Variants in GATC observed in about 807,000 individuals in gnomAD.
The protein encoded by GATC is glutamyl-tRNA amidotransferase subunit C, also known as glutamyl-tRNA(Gln) amidotransferase subunit C, mitochondrial.
In GATC, 11 loss-of-function variants were observed where a neutral mutation model predicts 14.4. That is an observed-to-expected ratio of 0.77 (90% CI 0.48 to 1.27). The LOEUF is 1.27. Among genes scored for constraint, GATC ranks in the 50% most tolerant of loss-of-function variants. The probability of loss-of-function intolerance (pLI) is 0.00; values close to 1 mark genes in which losing one functional copy is unlikely to be tolerated. For missense variants in GATC, 204 were observed against 183.0 expected (o/e 1.11, Z -0.66); for synonymous variants, 76 against 79.3 (o/e 0.96, Z 0.22).
At chr12:120,452,717 T>A (rs573561054) in intron 2 of GATC, among the ~76,000 whole-genome samples, 2 of 151,978 alleles carry the variant, frequency 1.3e-5, no homozygotes, top group East Asian at 3.9e-4. Context: ...CCAGAACTTT[T>A]TTTTTCTCAT....
At chr12:120,455,869 G>A (rs1878170941) in intron 2 of GATC, among the ~76,000 whole-genome samples, 1 of 151,988 alleles carries the variant, frequency 6.6e-6, no homozygotes, top group South Asian at 2.1e-4. Context: ...TGTATTTTTA[G>A]TAGAGATGGG....
At chr12:120,453,767 A>G (rs914423052) in intron 2 of GATC, among the ~76,000 whole-genome samples, 1 of 151,790 alleles carries the variant, frequency 6.6e-6, no homozygotes, top group African/African-American at 2.4e-5. Context: ...GGATCACTTG[A>G]GCCCAGAAGT....
chr12:120,455,929 G>A (rs965687950), intron 2 of GATC, among the ~76,000 whole-genome samples: 2 of 151,580 alleles, frequency 1.3e-5, no homozygotes, highest in Non-Finnish European at 2.9e-5. Context: ...CTCGTGATCC[G>A]CCCACCTCGG....
chr12:120,462,370 TAA>T lies in GATC; in HGVS notation c.*2412_*2413del. The stretch of plus-strand genomic sequence containing the variant: ...TTCAAGAATGAAGAAAATTAAGACT[TAA>T]GTTATATCATTTGCCCAAGGTAACA... On this transcript the variant is annotated 3_prime_UTR_variant, in exon 4 of 4. Transcript: ENST00000551765. The T allele has an allele frequency of 2.1e-6, 1 of 474,690 alleles. No individual in the cohort carries two copies. Among genetic ancestry groups the T allele is most frequent in the Non-Finnish European group, 3.6e-6 (1 of 275,706 alleles). The allele number at this position is 474,690 out of a possible 1,614,324, so 29.4% of individuals were successfully genotyped here. A position where few individuals can be genotyped will look rare whatever the true frequency, so the allele number is the denominator to read the frequency against.
chr12:120,446,878 G>C (rs777411807), intron 2 of GATC, 49 bp downstream of exon 2: 3 of 1,512,240 alleles, frequency 2.0e-6, no homozygotes, highest in Non-Finnish European at 2.7e-6. Flanking sequence ...CCCGTTCGCA[G>C]CCGTTTAATG....
At chr12:120,446,855 G>T (rs745324705) in intron 2 of GATC, 26 bp downstream of exon 2, 1 of 1,571,670 alleles carries the variant, frequency 6.4e-7, no homozygotes, top group Non-Finnish European at 8.7e-7. Flanking sequence ...CAGCCCCGAA[G>T]CCTTGACCGT....
chr12:120,446,834 A>C lies in GATC; in HGVS notation c.254+5A>C. The C allele has an allele frequency of 6.3e-7, 1 of 1,588,146 alleles. No homozygotes were observed. The highest frequency in any genetic ancestry group is 8.6e-7 in the Non-Finnish European group (1 of 1,163,222). ...GGAATCGGTCCTGGAGGACAGGTAA[A>C]CTCGCGGCTGCAGCCCCGAAGCCTT... On this transcript the variant is annotated splice_donor_5th_base_variant and intron_variant, in intron 2 of 3. Transcript: ENST00000551765.
chr12:120,457,602 C>CTT (rs3999474), intron 3 of GATC, among the ~76,000 whole-genome samples: 130 of 103,574 alleles, frequency 1.3e-3, no homozygotes, highest in Non-Finnish European at 1.6e-3. Flanking sequence ...TAAAAGAATC[C>CTT]TTTTTTTTTT....
chr12:120,455,818 TG>T (rs1424599341), intron 2 of GATC, among the ~76,000 whole-genome samples: 2 of 152,128 alleles, frequency 1.3e-5, no homozygotes, highest in Admixed American at 1.3e-4. Context: ...CCCAAGTAGC[TG>T]GGTCTACAGG....
intron 2 of GATC, chr12:120,450,644 T>G (rs1300169203): frequency 1.3e-5 from 2 of 156,792 alleles, no homozygotes; most frequent in Admixed American, 1.3e-4. Context: ...GTTTTCTATC[T>G]CCTTCATTGC....
chr12:120,457,295 T>C, intron 3 of GATC, 116 bp downstream of exon 3: 2 of 766,888 alleles, frequency 2.6e-6, no homozygotes, highest in South Asian at 3.1e-5. Context: ...ATGAAGTGCA[T>C]ACAGATGGTG....
intron 2 of GATC, among the ~76,000 whole-genome samples, 193 bp downstream of exon 2, chr12:120,447,022 G>A (rs1877889915): frequency 6.6e-6 from 1 of 151,580 alleles, no homozygotes; most frequent in African/African-American, 2.4e-5. Flanking sequence ...TAGTGTAAGT[G>A]GAAACAAAAC....
chr12:120,451,080 G>A (rs1319525361), intron 2 of GATC, among the ~76,000 whole-genome samples: 1 of 143,106 alleles, frequency 7.0e-6, no homozygotes, highest in African/African-American at 2.7e-5. Flanking sequence ...GGAGGCGGAG[G>A]TTGCAGTGAG....
At position 120,453,210 on chromosome 12, in the gene GATC, G is replaced by T. The variant is rs141329544; in HGVS notation, c.255-3866G>T. On this transcript the variant is annotated intron_variant, in intron 2 of 3. Coordinates refer to ENST00000551765, the MANE Select transcript of GATC (RefSeq NM_176818.3). ...AAGGGCTGACAGAATCACAAATGGA[G>T]CCACTTTGTCCTCCCTGTTGCCACA... 2.8e-3 allele frequency among the ~76,000 whole-genome samples: 433 copies of T among 152,312 alleles called. 1 individual carries two copies. Among genetic ancestry groups the T allele is most frequent in the Non-Finnish European group, 4.6e-3 (316 of 68,034 alleles).
In GATC at chr12:120,463,392, A is replaced by ACT. The variant is rs5801384; in HGVS notation, c.*3434_*3435dup. On this transcript the variant is annotated 3_prime_UTR_variant, in exon 4 of 4. Coordinates refer to ENST00000551765, the MANE Select transcript of GATC (RefSeq NM_176818.3). ...AGGTCAGCCTCGGCAATATAATGAG[A>ACT]CTGTCTCTAAAATCAAAAATTAGAG... 0.73 allele frequency: 111,013 copies of ACT among 151,946 alleles called. 41,754 individuals are homozygous for ACT. The highest frequency in any genetic ancestry group is 0.92 in the African/African-American group (38,031 of 41,468). The allele number at this position is 151,946 out of a possible 1,614,324, so 9.4% of individuals were successfully genotyped here.
Position 120,457,145 on chromosome 12 carries a change from T to C in GATC, c.324T>C (p.His108=). ...NCADELLQNS[H]RVVEEYFVAP... ...CTGATGAATTACTACAAAACTCCCA[T>C]CGCGTCGTGGAGGAGTACTTTGTGG... Residue 108 remains histidine, a synonymous_variant, in exon 3 of 4, where the codon CAT becomes CAC. Transcript: ENST00000551765. 1 of 1,613,990 alleles carries C rather than the reference T, an allele frequency of 6.2e-7. No homozygotes were observed. Among genetic ancestry groups the C allele is most frequent in the Non-Finnish European group, 8.5e-7 (1 of 1,179,946 alleles).
chr12:120,454,364 A>G (rs1878123900), intron 2 of GATC, among the ~76,000 whole-genome samples: 1 of 152,188 alleles, frequency 6.6e-6, no homozygotes, highest in Non-Finnish European at 1.5e-5. Context: ...ACTGAAATAT[A>G]GAGAGGATAA....
At chr12:120,448,957 GTTC>G (rs1271910596) in intron 2 of GATC, among the ~76,000 whole-genome samples, 91 of 139,274 alleles carry the variant, frequency 6.5e-4, no homozygotes, top group South Asian at 9.5e-4. Flanking sequence ...TTATACTTAG[GTTC>G]TTTTTTTTTT....
At chr12:120,446,991 G>T (rs1261583982) in intron 2 of GATC, among the ~76,000 whole-genome samples, 162 bp downstream of exon 2, 1 of 151,878 alleles carries the variant, frequency 6.6e-6, no homozygotes, top group Non-Finnish European at 1.5e-5. Flanking sequence ...TCTTCCCCTT[G>T]TTCATTACTG....
Sources: gnomAD v4.1 joint callset for allele counts (sites outside exome capture counted in the v4.1 genomes callset) on GRCh38, gnomAD v4.1.1 for gene constraint, MANE v1.5 for transcripts, NCBI Gene and HGNC (gene_info 2026-07-23, HGNC 2026-07-21) for gene names.